The following NOVA1 variants were observed in gnomAD, a reference collection of about 807,000 sequenced individuals.
The protein encoded by NOVA1 is RNA-binding protein Nova-1.
In NOVA1, 7 loss-of-function variants were observed where a neutral mutation model predicts 38.0. That is an observed-to-expected ratio of 0.18 (90% CI 0.10 to 0.35). The LOEUF (loss-of-function observed/expected upper bound fraction) is 0.35. Ranked by LOEUF, NOVA1 falls within the 10% of genes least tolerant of loss-of-function variation. The pLI is 1.00. For synonymous variants in NOVA1, 270 were observed against 232.5 expected, an observed-to-expected ratio of 1.16 and a Z score of -1.47; for missense variants, 460 against 616.0, an observed-to-expected ratio of 0.75 and a Z score of 2.68.
At chr14:26,493,417 C>A (rs1163642900) in intron 2 of NOVA1, among the ~76,000 whole-genome samples, 1 of 152,142 alleles carries the variant, frequency 6.6e-6, no homozygotes, top group Non-Finnish European at 1.5e-5. Context: ...TCATATAAGT[C>A]TCTCTCCTAT....
intron 2 of NOVA1, among the ~76,000 whole-genome samples, chr14:26,502,517 G>A (rs1887311834): frequency 6.6e-6 from 1 of 151,148 alleles, no homozygotes; most frequent in Non-Finnish European, 1.5e-5. Flanking sequence ...TTAAAGAGAA[G>A]GCAGATACTT....
chr14:26,543,066 G>A (rs1195429711), intron 2 of NOVA1, among the ~76,000 whole-genome samples: 2 of 151,928 alleles, frequency 1.3e-5, no homozygotes, highest in South Asian at 2.1e-4. Flanking sequence ...ACAAAGAAAC[G>A]ATAAGTGCTT....
chr14:26,527,338 T>C (rs1013309790), intron 2 of NOVA1, among the ~76,000 whole-genome samples: 24 of 152,068 alleles, frequency 1.6e-4, no homozygotes, highest in Non-Finnish European at 1.3e-4. Context: ...TCATGATTCA[T>C]GTTGATGCCC....
chr14:26,501,669 A>T (rs1887251561), intron 2 of NOVA1, among the ~76,000 whole-genome samples: 1 of 151,974 alleles, frequency 6.6e-6, no homozygotes, highest in South Asian at 2.1e-4. Flanking sequence ...GAATCAAGGT[A>T]TTGTCCTTTT....
intron 4 of NOVA1, 93 bp downstream of exon 4, chr14:26,472,227 C>T (rs1280157936): frequency 1.8e-5 from 14 of 763,640 alleles, no homozygotes; most frequent in Admixed American, 8.1e-5. Context: ...TGTGAATGAA[C>T]GAATAAATCC....
intron 4 of NOVA1, among the ~76,000 whole-genome samples, chr14:26,449,755 G>A (rs933650228): frequency 6.6e-6 from 1 of 151,650 alleles, no homozygotes; most frequent in African/African-American, 2.4e-5. Context: ...TTTAAAATTA[G>A]GGCTTACTAC....
chr14:26,592,060 T>C (rs2138815075), intron 2 of NOVA1, among the ~76,000 whole-genome samples: 1 of 151,662 alleles, frequency 6.6e-6, no homozygotes, highest in Non-Finnish European at 1.5e-5. Context: ...ATAAGTATAC[T>C]ATGATATGTT....
rs1882036811 is a variant in NOVA1 at position 26,446,022 on chromosome 14, T to C, written c.*1937A>G. 6.6e-6 allele frequency: 1 copy of C among 152,596 alleles called. No homozygotes were observed. Among genetic ancestry groups the C allele is most frequent in the African/African-American group, 2.4e-5 (1 of 41,432 alleles). The allele number at this position is 152,596 out of a possible 1,614,324, so 9.5% of individuals were successfully genotyped here. A position where few individuals can be genotyped will look rare whatever the true frequency, so the allele number is the denominator to read the frequency against. On this transcript the variant is annotated 3_prime_UTR_variant, in exon 5 of 5. Coordinates refer to ENST00000539517, the MANE Select transcript of NOVA1 (RefSeq NM_002515.3). The stretch of plus-strand genomic sequence containing the variant: ...ACAGAGTATCGACGATAAATAGTCA[T>C]TACCAATTAACACAGTTTACTACAG...
At chr14:26,549,331 G>GTTTT (rs5807372) in intron 2 of NOVA1, 1 of 120,112 alleles carries the variant, frequency 8.3e-6, no homozygotes, top group African/African-American at 3.0e-5. Flanking sequence ...TGAATTACAA[G>GTTTT]TTTTTTTTTT....
chr14:26,564,434 T>C (rs1352933153), intron 2 of NOVA1, among the ~76,000 whole-genome samples: 1 of 152,168 alleles, frequency 6.6e-6, no homozygotes, highest in African/African-American at 2.4e-5. Context: ...ACTGGCTTGC[T>C]GGAGTTCATG....
Position 26,597,499 on chromosome 14 carries a change from TCTTTTTTC to T in NOVA1, c.-71_-64del. 8.4e-7 allele frequency: 1 copy of T among 1,196,910 alleles called. No homozygotes were observed. The highest frequency in any genetic ancestry group is 1.7e-5 in the African/African-American group (1 of 59,256). The allele number at this position is 1,196,910 out of a possible 1,614,324, so 74.1% of individuals were successfully genotyped here. ...TCCCTTTTGTTTTGGCTTTTTCTTTTCTTTTTTCTTTTTTTTTTTTTTTTTTTTTTGCG... is the reference window on the plus strand; with the variant it reads ...TCCCTTTTGTTTTGGCTTTTTCTTTTTTTTTTTTTTTTTTTTTTTTTTGCG... On this transcript the variant is annotated 5_prime_UTR_variant, in exon 1 of 5. Transcript: ENST00000539517.
Position 26,447,757 on chromosome 14 carries a change from A to G in NOVA1, c.*202T>C. On this transcript the variant is annotated 3_prime_UTR_variant, in exon 5 of 5. Transcript: ENST00000539517. ...TACACAAGCAAAGTATAGAGAACAA[A>G]ACAGATCAAGAAAAAATTCTTTCTA... The G allele has an allele frequency of 1.7e-6, 1 of 596,648 alleles. No individual in the cohort carries two copies. 37.0% of individuals were successfully genotyped at this position (596,648 alleles called of 1,614,324 possible).
intron 4 of NOVA1, among the ~76,000 whole-genome samples, chr14:26,469,153 T>A (rs1884392854): frequency 6.6e-6 from 1 of 152,250 alleles, no homozygotes; most frequent in Non-Finnish European, 1.5e-5. Context: ...ATCAAACTTG[T>A]ACCTTACAAT....
In NOVA1 at chr14:26,447,331, T is replaced by C. The variant is rs1594306228; in HGVS notation, c.*628A>G. 6.5e-6 allele frequency: 1 copy of C among 152,946 alleles called. No homozygotes were observed. Among genetic ancestry groups the C allele is most frequent in the East Asian group, 1.9e-4 (1 of 5,198 alleles). 9.5% of individuals were successfully genotyped at this position (152,946 alleles called of 1,614,324 possible). ...GGGCCATGGCCAGCATGCAGCATTA[T>C]TTCCATTGTCTAGTTCAGATGGAGA... is the stretch of plus-strand genomic sequence containing the variant. On this transcript the variant is annotated 3_prime_UTR_variant, in exon 5 of 5. Coordinates refer to ENST00000539517, the MANE Select transcript of NOVA1 (RefSeq NM_002515.3).
intron 4 of NOVA1, among the ~76,000 whole-genome samples, chr14:26,454,857 A>G (rs567499801): frequency 9.2e-5 from 14 of 152,242 alleles, no homozygotes; most frequent in Middle Eastern, 3.4e-3. Flanking sequence ...TATTTTCCCA[A>G]TGTATTACAA....
intron 2 of NOVA1, among the ~76,000 whole-genome samples, chr14:26,571,160 T>A (rs951683448): frequency 6.6e-6 from 1 of 151,284 alleles, no homozygotes; most frequent in African/African-American, 2.4e-5. Context: ...TATATATATA[T>A]GATGTTTAAT....
chr14:26,565,067 G>T (rs1892052586), intron 2 of NOVA1, among the ~76,000 whole-genome samples: 1 of 152,118 alleles, frequency 6.6e-6, no homozygotes. Flanking sequence ...AAACTTAAGA[G>T]CTATTGAAGT....
At chr14:26,545,465 A>G (rs191861152) in intron 2 of NOVA1, among the ~76,000 whole-genome samples, 3 of 152,242 alleles carry the variant, frequency 2.0e-5, no homozygotes, top group Admixed American at 6.5e-5. Flanking sequence ...AGTATCAATA[A>G]ATCAATATGT....
chr14:26,470,369 AAAT>A (rs1243003232), intron 4 of NOVA1: 1 of 1,494,058 alleles, frequency 6.7e-7, no homozygotes, highest in Non-Finnish European at 9.2e-7. Flanking sequence ...GTTGGGGAGA[AAAT>A]AATTACAAAG....
Sources: allele counts gnomAD v4.1 joint callset (sites outside exome capture counted in the v4.1 genomes callset), GRCh38; gene constraint gnomAD v4.1.1; transcripts MANE v1.5; gene names NCBI Gene and HGNC (gene_info 2026-07-23, HGNC 2026-07-21).